NECTIN3: variants seen among roughly 807,000 people sequenced by gnomAD.
NECTIN3 encodes the protein nectin-3.
A neutral mutation model predicts 49.4 loss-of-function variants in NECTIN3; 8 were observed. The observed-to-expected ratio is 0.16, with a 90% CI of 0.10 to 0.29. NECTIN3 has a LOEUF of 0.29. NECTIN3 is among the 10% of genes least tolerant of loss of function. NECTIN3 has a pLI of 1.00. For missense variants in NECTIN3, 581 were observed against 654.6 expected (o/e 0.89, Z 1.23); for synonymous variants, 277 against 241.1 (o/e 1.15, Z -1.38).
chr3:111,192,937 A>G (rs954900795), intron 1 of NECTIN3, among the ~76,000 whole-genome samples: 1 of 152,170 alleles, frequency 6.6e-6, no homozygotes, highest in Non-Finnish European at 1.5e-5. Context: ...AGCAACTCCA[A>G]ATTTTAAAAT....
chr3:111,096,807 C>G (rs1238214931), intron 1 of NECTIN3, among the ~76,000 whole-genome samples: 1 of 152,162 alleles, frequency 6.6e-6, no homozygotes, highest in Non-Finnish European at 1.5e-5. Context: ...GGAACCTCCA[C>G]CTAGATTTCA....
intron 1 of NECTIN3, among the ~76,000 whole-genome samples, chr3:111,106,031 A>G (rs2033167951): frequency 6.9e-6 from 1 of 145,662 alleles, no homozygotes; most frequent in Non-Finnish European, 1.5e-5. Context: ...GGAATAATTG[A>G]CCCCTCTGTA....
At chr3:111,074,204 T>C (rs2031009661) in intron 1 of NECTIN3, 1 of 456,360 alleles carries the variant, frequency 2.2e-6, no homozygotes, top group South Asian at 1.6e-5. Context: ...GGCACAGATG[T>C]TGTGACTTAT....
At position 111,115,638 on chromosome 3, in the gene NECTIN3, C is replaced by T. The variant is rs769022149; in HGVS notation, c.503-3018C>T. Among the ~76,000 whole-genome samples, 54 of 152,202 alleles carry T rather than the reference C, an allele frequency of 3.5e-4. 2 individuals carry two copies. Among genetic ancestry groups the T allele is most frequent in the Non-Finnish European group, 8.8e-5 (6 of 68,036 alleles). On this transcript the variant is annotated intron_variant, in intron 2 of 5. Coordinates refer to ENST00000485303, the MANE Select transcript of NECTIN3 (RefSeq NM_015480.3). ...ACATAGAGGAATGCCTAACTCACGG[C>T]TGACCTGATTTAGAGAGTACTGTGA...
chr3:111,108,005 C>T (rs796965587), intron 1 of NECTIN3, among the ~76,000 whole-genome samples: 3 of 152,136 alleles, frequency 2.0e-5, no homozygotes, highest in Non-Finnish European at 4.4e-5. Context: ...AGTAGTACAA[C>T]GCTTTGGTGA....
In NECTIN3 at chr3:111,169,378, T is replaced by C. The variant is rs2035391765; in HGVS notation, c.1221+21894T>C. On this transcript the variant is annotated intron_variant, in intron 7 of 8. Transcript: ENST00000493615. ...GTGCTGGGATTACAAACGCAAACTTTTTTTTTTTTTTTTTTTTTTAAGAGC... is the reference window on the plus strand; with the variant it reads ...GTGCTGGGATTACAAACGCAAACTTCTTTTTTTTTTTTTTTTTTTAAGAGC... Among the ~76,000 whole-genome samples the C allele has an allele frequency of 2.1e-5, 3 of 144,970 alleles. 1 individual carries two copies. Among genetic ancestry groups the C allele is most frequent in the African/African-American group, 7.7e-5 (3 of 38,788 alleles).
upstream of NECTIN3, chr3:111,192,206 T>C: frequency 1.5e-6 from 1 of 686,216 alleles, no homozygotes; most frequent in Admixed American, 2.9e-5. Context: ...ATGGTTACTT[T>C]TTCTTACTCT....
At chr3:111,161,798 CAG>C (rs2035217404) in intron 7 of NECTIN3, among the ~76,000 whole-genome samples, 1 of 152,150 alleles carries the variant, frequency 6.6e-6, no homozygotes, top group Non-Finnish European at 1.5e-5. Flanking sequence ...GGTGATTAAA[CAG>C]ATCTTACATA....
At chr3:111,097,869 G>A (rs531449305) in intron 1 of NECTIN3, among the ~76,000 whole-genome samples, 8 of 152,140 alleles carry the variant, frequency 5.3e-5, no homozygotes, top group East Asian at 1.9e-4. Context: ...GAAAATGGAC[G>A]AATACACATA....
chr3:111,168,892 T>C lies in NECTIN3; in HGVS notation c.1221+21408T>C, dbSNP rs546122088. Among the ~76,000 whole-genome samples, 7 of 152,270 alleles carry C rather than the reference T, an allele frequency of 4.6e-5. 1 individual carries two copies. In the South Asian group the frequency reaches 1.4e-3, roughly 32 times the overall value. On this transcript the variant is annotated intron_variant, in intron 7 of 8. Transcript: ENST00000493615. ...GATGGATAGATCGTTAGATCTGCAT[T>C]TATTAAAAATCTATATCATTTAGCT...
At chr3:111,153,335 T>C (rs2035036237) in intron 7 of NECTIN3, among the ~76,000 whole-genome samples, 1 of 151,882 alleles carries the variant, frequency 6.6e-6, no homozygotes, top group Admixed American at 6.6e-5. Flanking sequence ...GGGAGGGCCC[T>C]TCAAAGCAAA....
intron 7 of NECTIN3, among the ~76,000 whole-genome samples, chr3:111,172,934 TAGA>T (rs1292084250): frequency 6.6e-6 from 1 of 152,192 alleles, no homozygotes; most frequent in Admixed American, 6.5e-5. Context: ...TAAAAAGTGA[TAGA>T]AGATTTTTTA....
In NECTIN3 at chr3:111,113,674, A is replaced by G. The variant is rs550401495; in HGVS notation, c.502+1303A>G. Among the ~76,000 whole-genome samples the G allele has an allele frequency of 2.0e-5, 3 of 152,260 alleles. No homozygotes were observed. The East Asian group carries it at 5.8e-4, about 29-fold the overall frequency. On this transcript the variant is annotated intron_variant, in intron 2 of 5. Transcript: ENST00000485303. ...AAGGCATGAATATCTGAAAACTCAC[A>G]TGGAGGACATCAGTAAAAAAGGTAA...
At chr3:111,107,044 G>A (rs1576109183) in intron 1 of NECTIN3, among the ~76,000 whole-genome samples, 1 of 152,192 alleles carries the variant, frequency 6.6e-6, no homozygotes, top group East Asian at 1.9e-4. Context: ...GGAAAGAAAG[G>A]GAATGGTTGC....
intron 5 of NECTIN3, among the ~76,000 whole-genome samples, chr3:111,132,173 A>G (rs60379798): frequency 0.013 from 2,046 of 151,992 alleles, 52 homozygotes; most frequent in African/African-American, 0.047. Flanking sequence ...GAATGTTTTC[A>G]TAAATTAAAA....
At chr3:111,169,120 C>A (rs1175653730) in intron 7 of NECTIN3, among the ~76,000 whole-genome samples, 1 of 115,332 alleles carries the variant, frequency 8.7e-6, no homozygotes, top group Non-Finnish European at 1.6e-5. Flanking sequence ...GACGGAGTCT[C>A]GCTCTGTCGC....
intron 1 of NECTIN3, among the ~76,000 whole-genome samples, chr3:111,111,314 T>C (rs936350835): frequency 6.6e-6 from 1 of 152,210 alleles, no homozygotes; most frequent in East Asian, 1.9e-4. Flanking sequence ...TAACTTTTGC[T>C]TGTGAAATTT....
At position 111,176,656 on chromosome 3, in the gene NECTIN3, GTTACCT is replaced by G. The variant is rs1156875236; in HGVS notation, c.1222-15691_1222-15686del. Among the ~76,000 whole-genome samples the G allele has an allele frequency of 2.0e-5, 3 of 151,092 alleles. No homozygotes were observed. In the East Asian group the frequency reaches 5.8e-4, roughly 29 times the overall value. On this transcript the variant is annotated intron_variant, in intron 7 of 8. Transcript: ENST00000493615. ...TCCTTCAGAAGGAGAAACTATATATGTTACCTTTATTTTCTTTTTTTTTTCTTCTGG... is the reference window on the plus strand; with the variant it reads ...TCCTTCAGAAGGAGAAACTATATATGTTATTTTCTTTTTTTTTTCTTCTGG...
intron 1 of NECTIN3, among the ~76,000 whole-genome samples, chr3:111,076,635 G>A (rs1476944557): frequency 1.3e-5 from 2 of 152,044 alleles, no homozygotes; most frequent in Admixed American, 1.3e-4. Context: ...TGCTTTTTAT[G>A]TATTAGAATA....
Sources: gnomAD v4.1 joint callset for allele counts (sites outside exome capture counted in the v4.1 genomes callset) on GRCh38, gnomAD v4.1.1 for gene constraint, MANE v1.5 for transcripts, NCBI Gene and HGNC (gene_info 2026-07-23, HGNC 2026-07-21) for gene names.